Variants in CAST observed in about 807,000 individuals in gnomAD.
CAST encodes the protein calpastatin, also known as MIR583 host.
Under a neutral mutation model 119.6 loss-of-function variants are expected in CAST, and 76 were observed. The observed-to-expected ratio is 0.64, with a 90% CI of 0.53 to 0.77. CAST has a LOEUF of 0.77. Ranked by LOEUF, CAST falls within the 30% of genes least tolerant of loss-of-function variation. CAST has a pLI of 0.00. For missense variants in CAST, 953 were observed against 946.5 expected (o/e 1.01, Z -0.09); for synonymous variants, 319 against 331.6 (o/e 0.96, Z 0.41).
At chr5:96,666,344 G>A (rs1749341772) in intron 1 of CAST, among the ~76,000 whole-genome samples, 1 of 152,042 alleles carries the variant, frequency 6.6e-6, no homozygotes, top group Non-Finnish European at 1.5e-5. Flanking sequence ...AAGCATGAAC[G>A]AAGGTTAATT....
the CAST span, among the ~76,000 whole-genome samples, chr5:95,998,666 A>T: frequency 6.6e-6 from 1 of 152,144 alleles, no homozygotes; most frequent in Non-Finnish European, 1.5e-5. Flanking sequence ...ATTGATAAAT[A>T]CTTAGGTTGA....
chr5:96,542,971 A>G (rs6882252), intron 1 of CAST, among the ~76,000 whole-genome samples: 93,506 of 152,062 alleles, frequency 0.61, 29,104 homozygotes, highest in East Asian at 0.86. Flanking sequence ...GGAAGACAGT[A>G]TGGTGATTCC....
At position 96,544,610 on chromosome 5, in the gene CAST, C is replaced by CGTT. The variant is rs35852279; in HGVS notation, c.60+14730_60+14731insGTT. ...TATAATTTTAAGGAAACCATTAAAA[C>CGTT]AATAAAAAAGAAGTATAATTGATAA... On this transcript the variant is annotated intron_variant, in intron 1 of 11. Coordinates refer to the CAST transcript ENST00000505143. 9.2e-5 allele frequency among the ~76,000 whole-genome samples: 14 copies of CGTT among 151,362 alleles called. No homozygotes were observed. In the East Asian group the frequency reaches 2.7e-3, roughly 29 times the overall value.
the CAST span, chr5:96,379,433 A>G: frequency 6.6e-6 from 1 of 152,194 alleles, no homozygotes; most frequent in African/African-American, 2.4e-5. Context: ...ATTTGTATTA[A>G]CTTACACTGT....
chr5:96,070,764 A>G, the CAST span, among the ~76,000 whole-genome samples: 22 of 152,212 alleles, frequency 1.4e-4, no homozygotes, highest in Non-Finnish European at 2.5e-4. Context: ...AGATAGGACT[A>G]GAGATATAAA....
At chr5:96,422,481 A>G in the CAST span, among the ~76,000 whole-genome samples, 2 of 152,150 alleles carry the variant, frequency 1.3e-5, no homozygotes, top group Admixed American at 6.5e-5. Context: ...GAAATTCAAG[A>G]CAAGCTTCCA....
the CAST span, among the ~76,000 whole-genome samples, chr5:96,101,907 G>A: frequency 0.32 from 47,973 of 152,116 alleles, 7,620 homozygotes; most frequent in South Asian, 0.44. Flanking sequence ...AGGTGTGAGC[G>A]AATGAGTGCA....
the CAST span, among the ~76,000 whole-genome samples, chr5:96,326,695 A>AT: frequency 0.01 from 959 of 95,746 alleles, 38 homozygotes; most frequent in African/African-American, 0.024. Flanking sequence ...ATGGCTTTTC[A>AT]TTTTTTTTTT....
intron 2 of CAST, among the ~76,000 whole-genome samples, chr5:96,689,398 G>A (rs933949363): frequency 6.6e-6 from 1 of 151,962 alleles, no homozygotes; most frequent in African/African-American, 2.4e-5. Flanking sequence ...TTAAACTGTA[G>A]GTATTTCTAG....
At chr5:96,762,490 C>T (rs775257880) in intron 25 of CAST, 118 bp downstream of exon 25, 6 of 623,760 alleles carry the variant, frequency 9.6e-6, no homozygotes, top group Non-Finnish European at 1.6e-5. Context: ...AGATCAGGCA[C>T]CTTCTATTTC....
intron 1 of CAST, among the ~76,000 whole-genome samples, chr5:96,554,945 A>G (rs931598390): frequency 6.6e-6 from 1 of 152,212 alleles, no homozygotes; most frequent in Non-Finnish European, 1.5e-5. Context: ...GTGCTTTTAC[A>G]CTGTTGGTGG....
chr5:96,693,322 T>A (rs77452450), intron 2 of CAST, among the ~76,000 whole-genome samples: 1 of 152,242 alleles, frequency 6.6e-6, no homozygotes, highest in Non-Finnish European at 1.5e-5. Flanking sequence ...AAATTAAGTT[T>A]AAACAGTCAT....
the CAST span, among the ~76,000 whole-genome samples, chr5:96,440,320 T>A: frequency 6.6e-6 from 1 of 152,164 alleles, no homozygotes; most frequent in African/African-American, 2.4e-5. Context: ...CCTGTGAGCA[T>A]CCGTGTCTCT....
the CAST span, among the ~76,000 whole-genome samples, chr5:96,507,141 C>T: frequency 1.3e-5 from 2 of 152,056 alleles, no homozygotes; most frequent in African/African-American, 4.8e-5. Context: ...GGCCCGAATG[C>T]TCAAGTCAGC....
upstream of CAST, among the ~76,000 whole-genome samples, chr5:96,659,248 T>C (rs1748210145): frequency 6.6e-6 from 1 of 152,190 alleles, no homozygotes; most frequent in African/African-American, 2.4e-5. Flanking sequence ...TGAACACACA[T>C]GCTGTTGGAA....
At chr5:96,561,796 G>GTTTTTTT (rs11375615) in intron 1 of CAST, among the ~76,000 whole-genome samples, 9 of 97,390 alleles carry the variant, frequency 9.2e-5, no homozygotes, top group Non-Finnish European at 1.3e-4. Context: ...GTTTTTTTTT[G>GTTTTTTT]TTTTTTTTTT....
At chr5:96,503,766 C>T in the CAST span, among the ~76,000 whole-genome samples, 2 of 152,202 alleles carry the variant, frequency 1.3e-5, no homozygotes, top group South Asian at 2.1e-4. Context: ...CTCACGCCTT[C>T]CCCTCCACCA....
chr5:96,749,811 GC>G (rs1764583372), intron 19 of CAST, among the ~76,000 whole-genome samples: 2 of 152,222 alleles, frequency 1.3e-5, no homozygotes, highest in South Asian at 2.1e-4. Flanking sequence ...CTCCCAAAGT[GC>G]TGGGATCACA....
At chr5:96,507,948 G>A in the CAST span, among the ~76,000 whole-genome samples, 1 of 151,406 alleles carries the variant, frequency 6.6e-6, no homozygotes, top group East Asian at 1.9e-4. Flanking sequence ...AGTTCTCTTT[G>A]AATAACATTG....
Sources: gnomAD v4.1 joint callset for allele counts (sites outside exome capture counted in the v4.1 genomes callset) on GRCh38, gnomAD v4.1.1 for gene constraint, MANE v1.5 for transcripts, NCBI Gene and HGNC (gene_info 2026-07-23, HGNC 2026-07-21) for gene names.